The following NASP variants were observed in gnomAD, a reference collection of about 807,000 sequenced individuals.
NASP encodes the protein nuclear autoantigenic sperm protein, also known as NASP histone chaperone.
Under a neutral mutation model 89.5 loss-of-function variants are expected in NASP, and 24 were observed. The ratio of observed to expected loss-of-function variants is 0.27; its 90% CI spans 0.19 to 0.38. The LOEUF (loss-of-function observed/expected upper bound fraction) is 0.38, where lower values mean the gene tolerates loss of function less well. NASP is among the 10% of genes least tolerant of loss of function. NASP has a pLI of 1.00. For missense variants in NASP, 848 were observed against 921.4 expected, an observed-to-expected ratio of 0.92 and a Z score of 1.03; for synonymous variants, 306 against 324.7, an observed-to-expected ratio of 0.94 and a Z score of 0.62.
chr1:45,584,314 C>A, intron 1 of NASP, 109 bp downstream of exon 1: 5 of 988,254 alleles, frequency 5.1e-6, no homozygotes, highest in South Asian at 3.1e-5. Context: ...CTTGCCTTCC[C>A]AAGAGCAGCT....
chr1:45,598,316 G>A (rs1164307377), intron 2 of NASP, among the ~76,000 whole-genome samples: 1 of 151,960 alleles, frequency 6.6e-6, no homozygotes, highest in African/African-American at 2.4e-5. Flanking sequence ...GATTACAGGT[G>A]TGCACCACCA....
chr1:45,611,456 CTTTTTTTTTTTTTTTTTTT>C (rs71056317), intron 6 of NASP: 1 of 67,610 alleles, frequency 1.5e-5, no homozygotes. Context: ...ATCGCCATTA[CTTTTTTTTTTTTTTTTTTT>C]TTTTTTTTTG....
chr1:45,601,773 T>TTTTTA (rs1643850995), intron 2 of NASP, among the ~76,000 whole-genome samples: 1 of 141,882 alleles, frequency 7.0e-6, no homozygotes, highest in African/African-American at 2.7e-5. Flanking sequence ...TTTTTTTTTT[T>TTTTTA]GAGGTGGAGT....
intron 2 of NASP, among the ~76,000 whole-genome samples, chr1:45,594,381 G>A (rs1323515654): frequency 6.6e-6 from 1 of 151,904 alleles, no homozygotes; most frequent in Non-Finnish European, 1.5e-5. Context: ...TATTTGGGTG[G>A]TATGAATACT....
chr1:45,609,525 CAAAAA>C (rs992910328), intron 6 of NASP: 1 of 152,014 alleles, frequency 6.6e-6, no homozygotes, highest in African/African-American at 2.4e-5. Flanking sequence ...ACCACACACA[CAAAAA>C]AACAAAACTC....
Position 45,615,051 on chromosome 1 carries a change from C to CT in NASP, c.1707dup (p.Asn570Ter), listed in dbSNP as rs1446786955. On this transcript the variant is annotated frameshift_variant, in exon 10 of 15. Coordinates refer to ENST00000350030, the MANE Select transcript of NASP (RefSeq NM_002482.4). LOFTEE classifies it high-confidence loss of function. The stretch of plus-strand genomic sequence containing the variant: ...AGCTGTGGAGGAGTTCCAGTCCTGC[C>CT]TTAACCTGCAGGAACAGTACCTGGA... 1 of 1,614,054 alleles carries CT rather than the reference C, an allele frequency of 6.2e-7. No individual in the cohort carries two copies. Among genetic ancestry groups the CT allele is most frequent in the Admixed American group, 1.7e-5 (1 of 59,990 alleles).
At chr1:45,588,734 C>T (rs755351080) in intron 1 of NASP, 12 of 351,698 alleles carry the variant, frequency 3.4e-5, no homozygotes, top group Middle Eastern at 5.8e-4. Context: ...GTCAGGAGAT[C>T]GAGACCATCC....
intron 2 of NASP, among the ~76,000 whole-genome samples, chr1:45,594,384 T>A (rs1011688524): frequency 6.6e-6 from 1 of 151,910 alleles, no homozygotes; most frequent in Non-Finnish European, 1.5e-5. Flanking sequence ...TTGGGTGGTA[T>A]GAATACTGAA....
chr1:45,586,289 GTGT>G (rs1557646592), intron 1 of NASP, among the ~76,000 whole-genome samples: 3 of 99,742 alleles, frequency 3.0e-5, no homozygotes, highest in African/African-American at 4.8e-5. Flanking sequence ...TGTGTGGTGT[GTGT>G]GTGTGTGTGT....
In NASP at chr1:45,614,386, A is replaced by G; in HGVS notation, c.1666+20A>G. 6.4e-7 allele frequency: 1 copy of G among 1,564,390 alleles called. No homozygotes were observed. Among genetic ancestry groups the G allele is most frequent in the Non-Finnish European group, 8.8e-7 (1 of 1,134,634 alleles). ...AATCTGGTAATGCATTTTCCATTTT[A>G]TACTCTCCTACTCTCTTCAGCTCCC... On this transcript the variant is annotated intron_variant, in intron 9 of 14. Coordinates refer to ENST00000350030, the MANE Select transcript of NASP (RefSeq NM_002482.4).
At chr1:45,605,095 A>G in intron 4 of NASP, 79 bp downstream of exon 4, 1 of 1,167,682 alleles carries the variant, frequency 8.6e-7, no homozygotes, top group Non-Finnish European at 1.3e-6. Context: ...GGAGCTAAGC[A>G]AGATTGGTTT....
chr1:45,615,729 T>C (rs1305186292), intron 11 of NASP: 16 of 410,568 alleles, frequency 3.9e-5, no homozygotes, highest in Non-Finnish European at 7.0e-5. Flanking sequence ...ATAATACAGG[T>C]TGAGTATCCT....
rs1643658891 is a variant in NASP at position 45,595,129 on chromosome 1, T to TGTGTGTGTGTGTG, written c.107+3859_107+3860insGTGTGTGTGTGTG. On this transcript the variant is annotated intron_variant, in intron 2 of 14. Transcript: ENST00000350030. ...CTGCCTCAGCCTGCCAGACTAAGTT[T>TGTGTGTGTGTGTG]TGTGTGTGTGTGTGTGTGTGTGTGT... Among the ~76,000 whole-genome samples, 5 of 111,868 alleles carry TGTGTGTGTGTGTG rather than the reference T, an allele frequency of 4.5e-5. No homozygotes were observed. In the East Asian group the frequency reaches 1.1e-3, roughly 24 times the overall value. 73.4% of individuals were successfully genotyped at this position (111,868 alleles called of 152,430 possible).
intron 3 of NASP, among the ~76,000 whole-genome samples, chr1:45,602,653 G>A (rs965948547): frequency 2.0e-5 from 3 of 151,940 alleles, no homozygotes; most frequent in South Asian, 4.2e-4. Context: ...CTCCACCCCC[G>A]CTTTTTTTTG....
At chr1:45,587,383 G>A (rs1187611451) in intron 1 of NASP, among the ~76,000 whole-genome samples, 5 of 151,516 alleles carry the variant, frequency 3.3e-5, no homozygotes, top group Non-Finnish European at 7.4e-5. Context: ...GTTGGCCAGG[G>A]TGATCTCGAA....
intron 4 of NASP, 58 bp downstream of exon 4, chr1:45,605,074 G>T: frequency 1.5e-6 from 2 of 1,337,436 alleles, no homozygotes; most frequent in South Asian, 2.4e-5. Context: ...TACTAGCTTT[G>T]AGATTTCACA....
intron 4 of NASP, chr1:45,605,774 GTTTT>G (rs66530330): frequency 1.5e-5 from 2 of 129,554 alleles, no homozygotes; most frequent in Non-Finnish European, 3.2e-5. Flanking sequence ...GTTCTGATAA[GTTTT>G]TTTTTTTTTT....
chr1:45,589,555 A>G (rs1162383589), intron 1 of NASP, among the ~76,000 whole-genome samples: 2 of 152,192 alleles, frequency 1.3e-5, no homozygotes, highest in African/African-American at 4.8e-5. Flanking sequence ...CTATGAAGCC[A>G]TAGCTTCATA....
intron 3 of NASP, 22 bp downstream of exon 3, chr1:45,602,387 A>G (rs770244605): frequency 2.3e-5 from 37 of 1,599,878 alleles, no homozygotes; most frequent in Admixed American, 3.5e-5. Context: ...ATATTTTGCT[A>G]TGATGTAATA....
Sources: gnomAD v4.1 joint callset for allele counts (sites outside exome capture counted in the v4.1 genomes callset) on GRCh38, gnomAD v4.1.1 for gene constraint, MANE v1.5 for transcripts, NCBI Gene and HGNC (gene_info 2026-07-23, HGNC 2026-07-21) for gene names.